CAND1: variants seen among roughly 807,000 people sequenced by gnomAD.
The protein encoded by CAND1 is cullin-associated NEDD8-dissociated protein 1.
CAND1 carries 7 observed loss-of-function variants against 108.5 expected under a neutral mutation model. The ratio of observed to expected loss-of-function variants is 0.06; its 90% CI spans 0.04 to 0.12. The LOEUF (loss-of-function observed/expected upper bound fraction) is 0.12. Among genes scored for constraint, CAND1 ranks in the 10% least tolerant of loss-of-function variants. The pLI is 1.00. For synonymous variants in CAND1, 534 were observed against 512.0 expected (o/e 1.04, Z -0.58); for missense variants, 941 against 1,448.7 (o/e 0.65, Z 5.69).
chr12:67,269,837 C>T, intron 1 of CAND1, 52 bp downstream of exon 1: 6 of 1,513,912 alleles, frequency 4.0e-6, no homozygotes, highest in Non-Finnish European at 2.7e-6. Flanking sequence ...GCAGCCGCGG[C>T]CCTGGCCGTC....
At chr12:67,282,119 TG>T in intron 2 of CAND1, 66 bp downstream of exon 2, 1 of 1,482,762 alleles carries the variant, frequency 6.7e-7, no homozygotes, top group Non-Finnish European at 9.3e-7. Context: ...AAAAACTCTA[TG>T]ATAAGTAGTA....
Position 67,292,796 on chromosome 12 carries a change from T to G in CAND1, c.367+20T>G. 1 of 1,611,116 alleles carries G rather than the reference T, an allele frequency of 6.2e-7. No individual in the cohort carries two copies. On this transcript the variant is annotated intron_variant, in intron 3 of 14. Transcript: ENST00000545606. Reference sequence around the variant, plus strand: ...CCAGTGGTAAGCAAGAGCACATTTTTCTTCCTATTTCTTTTTGTGTGGAGG... The same window carrying G: ...CCAGTGGTAAGCAAGAGCACATTTTGCTTCCTATTTCTTTTTGTGTGGAGG...
chr12:67,289,221 T>G (rs1215360168), intron 2 of CAND1, among the ~76,000 whole-genome samples: 6 of 152,152 alleles, frequency 3.9e-5, no homozygotes, highest in Admixed American at 3.9e-4. Flanking sequence ...TTTATTATTT[T>G]TATTTTATTT....
intron 1 of CAND1, among the ~76,000 whole-genome samples, chr12:67,275,802 A>G (rs1020370967): frequency 6.6e-6 from 1 of 152,184 alleles, no homozygotes; most frequent in East Asian, 1.9e-4. Flanking sequence ...GTTACTCATC[A>G]CTGTGTTTGC....
intron 3 of CAND1, 110 bp from the exon 4 acceptor site, chr12:67,294,923 G>C: frequency 9.0e-7 from 1 of 1,108,930 alleles, no homozygotes; most frequent in Non-Finnish European, 1.3e-6. Context: ...TGGATCTGTT[G>C]TGTCTCATGA....
intron 2 of CAND1, among the ~76,000 whole-genome samples, chr12:67,283,619 A>ATGAG (rs1305917079): frequency 6.6e-6 from 1 of 151,746 alleles, no homozygotes; most frequent in Non-Finnish European, 1.5e-5. Context: ...AATGATACAG[A>ATGAG]TCAGTCAGTA....
chr12:67,314,235 T>G lies in CAND1; in HGVS notation c.*1405T>G, dbSNP rs1481487205. On this transcript the variant is annotated 3_prime_UTR_variant, in exon 15 of 15. Transcript: ENST00000545606. ...ATCAGATATTTGAAAACTGCACCCTTTAGTTTTGAAACTGTGAATTAGAAA... is the reference window on the plus strand; with the variant it reads ...ATCAGATATTTGAAAACTGCACCCTGTAGTTTTGAAACTGTGAATTAGAAA... 1 of 152,194 alleles carries G rather than the reference T, an allele frequency of 6.6e-6. No individual in the cohort carries two copies. The highest frequency in any genetic ancestry group is 2.4e-5 in the African/African-American group (1 of 41,438). The allele number at this position is 152,194 out of a possible 1,614,324, so 9.4% of individuals were successfully genotyped here.
chr12:67,290,035 G>A (rs2044707949), intron 2 of CAND1, among the ~76,000 whole-genome samples: 1 of 152,080 alleles, frequency 6.6e-6, no homozygotes, highest in African/African-American at 2.4e-5. Flanking sequence ...CAGACATTAA[G>A]AGTTCTCTGT....
chr12:67,290,457 G>A (rs1328191182), intron 2 of CAND1, among the ~76,000 whole-genome samples: 2 of 151,798 alleles, frequency 1.3e-5, no homozygotes, highest in East Asian at 3.9e-4. Context: ...GTTACAGTGA[G>A]CCAACATCAC....
At chr12:67,302,042 G>T (rs1490738467) in intron 7 of CAND1, among the ~76,000 whole-genome samples, 1 of 152,052 alleles carries the variant, frequency 6.6e-6, no homozygotes, top group Non-Finnish European at 1.5e-5. Context: ...TGATTTTAAA[G>T]GGTTAAAATA....
chr12:67,288,170 C>T (rs2044690206), intron 2 of CAND1, among the ~76,000 whole-genome samples: 2 of 147,480 alleles, frequency 1.4e-5, no homozygotes, highest in South Asian at 2.1e-4. Flanking sequence ...TCCAGTCTGT[C>T]ACCCAGGCTG....
intron 2 of CAND1, among the ~76,000 whole-genome samples, chr12:67,291,701 C>T (rs1361240789): frequency 5.3e-5 from 8 of 152,132 alleles, no homozygotes; most frequent in Non-Finnish European, 7.4e-5. Flanking sequence ...ATTCTCTGCA[C>T]GAAACAAAGC....
chr12:67,305,816 T>G lies in CAND1; in HGVS notation c.2148T>G (p.Leu716=). 6.2e-7 allele frequency: 1 copy of G among 1,614,212 alleles called. No individual in the cohort carries two copies. The highest frequency in any genetic ancestry group is 8.5e-7 in the Non-Finnish European group (1 of 1,180,026). Reference sequence around the variant, plus strand: ...TTTCACAAATGGCCATCAGTTTTCTTACCACTTTGGCAAAAGTATATCCCT... The same window carrying G: ...TTTCACAAATGGCCATCAGTTTTCTGACCACTTTGGCAAAAGTATATCCCT... The part of the protein sequence containing the change: ...MHVSQMAISF[L]TTLAKVYPSS... Residue 716 remains leucine, a synonymous_variant, in exon 10 of 15, where the codon CTT becomes CTG. Transcript: ENST00000545606. This position sits in a 1 kb window ranked among gnomAD's most constrained non-coding sequence, Gnocchi z 4.4.
intron 2 of CAND1, among the ~76,000 whole-genome samples, chr12:67,284,061 G>A (rs1234711739): frequency 6.6e-6 from 1 of 151,946 alleles, no homozygotes; most frequent in African/African-American, 2.4e-5. Flanking sequence ...TGGAAAAATT[G>A]AACAAAAACT....
chr12:67,294,911 C>G, intron 3 of CAND1, 122 bp from the exon 4 acceptor site: 1 of 951,750 alleles, frequency 1.1e-6, no homozygotes, highest in Admixed American at 2.8e-5. Context: ...GTTTTTCTGC[C>G]CTGGATCTGT....
At chr12:67,271,931 A>G (rs2044524374) in intron 1 of CAND1, among the ~76,000 whole-genome samples, 1 of 152,228 alleles carries the variant, frequency 6.6e-6, no homozygotes, top group Admixed American at 6.5e-5. Context: ...CAGACATTTA[A>G]TAATTAATTA....
chr12:67,281,796 TA>T, intron 1 of CAND1, 113 bp from the exon 2 acceptor site: 1 of 642,740 alleles, frequency 1.6e-6, no homozygotes, highest in Non-Finnish European at 2.5e-6. Flanking sequence ...ATGAGTTTTA[TA>T]ATAAAAGATG....
intron 1 of CAND1, among the ~76,000 whole-genome samples, chr12:67,273,482 T>TC (rs1475212633): frequency 3.4e-5 from 5 of 149,114 alleles, no homozygotes; most frequent in East Asian, 1.9e-4. Context: ...TTCTTTTCTT[T>TC]TTTTTTTTTT....
At chr12:67,290,779 T>C (rs2136003489) in intron 2 of CAND1, among the ~76,000 whole-genome samples, 1 of 152,262 alleles carries the variant, frequency 6.6e-6, no homozygotes, top group African/African-American at 2.4e-5. Flanking sequence ...CCCTGGGCCA[T>C]GGACCCATAC....
Sources: gnomAD v4.1 joint callset for allele counts (sites outside exome capture counted in the v4.1 genomes callset) on GRCh38, gnomAD v4.1.1 for gene constraint, Gnocchi (gnomAD v3.1) non-coding constraint, MANE v1.5 for transcripts, NCBI Gene and HGNC (gene_info 2026-07-23, HGNC 2026-07-21) for gene names.